The following CYP4X1 variants were observed in gnomAD, a reference collection of about 807,000 sequenced individuals.
The protein encoded by CYP4X1 is cytochrome P450 family 4 subfamily X member 1.
A neutral mutation model predicts 57.9 loss-of-function variants in CYP4X1; 44 were observed. The ratio of observed to expected loss-of-function variants is 0.76; its 90% confidence interval spans 0.60 to 0.98. The LOEUF is 0.98. CYP4X1 is among the 50% of genes least tolerant of loss of function. CYP4X1 has a pLI of 0.00. For missense variants in CYP4X1, 532 were observed against 623.9 expected (o/e 0.85, Z 1.57); for synonymous variants, 227 against 228.6 (o/e 0.99, Z 0.06).
the CYP4X1 span, among the ~76,000 whole-genome samples, chr1:46,980,609 C>T: frequency 1.3e-5 from 2 of 152,136 alleles, no homozygotes; most frequent in Admixed American, 1.3e-4. Flanking sequence ...TGACTTTCTT[C>T]ACAGAATTAG....
chr1:46,977,065 CT>C, the CYP4X1 span, among the ~76,000 whole-genome samples: 1 of 152,184 alleles, frequency 6.6e-6, no homozygotes, highest in Non-Finnish European at 1.5e-5. Context: ...GGCACCTCTT[CT>C]CCTCCAAAGG....
chr1:47,040,227 G>T (rs1257980666), intron 8 of CYP4X1, among the ~76,000 whole-genome samples: 1 of 152,092 alleles, frequency 6.6e-6, no homozygotes, highest in Admixed American at 6.6e-5. Flanking sequence ...ACCTACCCTG[G>T]CATGGGAGCT....
intron 1 of CYP4X1, among the ~76,000 whole-genome samples, chr1:47,027,996 G>T (rs1462647645): frequency 1.3e-5 from 2 of 152,200 alleles, no homozygotes; most frequent in African/African-American, 2.4e-5. Context: ...GCATGGTACA[G>T]TTCCTGGTGC....
the CYP4X1 span, among the ~76,000 whole-genome samples, chr1:47,017,013 T>C: frequency 6.6e-6 from 1 of 152,222 alleles, no homozygotes; most frequent in African/African-American, 2.4e-5. Flanking sequence ...TCTATCCATA[T>C]TGTTGCAAAT....
chr1:47,025,413 T>C (rs1360473551), intron 1 of CYP4X1, among the ~76,000 whole-genome samples: 1 of 152,228 alleles, frequency 6.6e-6, no homozygotes, highest in African/African-American at 2.4e-5. Context: ...GGTATTCCTT[T>C]ACAGCAACAC....
chr1:47,033,159 C>T (rs1158372549), intron 3 of CYP4X1, 82 bp from the exon 4 acceptor site: 2 of 1,510,906 alleles, frequency 1.3e-6, no homozygotes, highest in Admixed American at 4.0e-5. Context: ...GTCATGGTTA[C>T]TCCACGCTGC....
At chr1:46,984,871 C>T in the CYP4X1 span, among the ~76,000 whole-genome samples, 1 of 152,168 alleles carries the variant, frequency 6.6e-6, no homozygotes, top group Admixed American at 6.5e-5. Flanking sequence ...GTTCACTCCC[C>T]TGGAAAGGGG....
At chr1:47,034,184 G>C (rs1335525217) in intron 4 of CYP4X1, among the ~76,000 whole-genome samples, 1 of 152,186 alleles carries the variant, frequency 6.6e-6, no homozygotes, top group Non-Finnish European at 1.5e-5. Context: ...GAGTGAGGGA[G>C]CATGAACAAA....
At chr1:46,984,220 C>T in the CYP4X1 span, among the ~76,000 whole-genome samples, 1 of 151,820 alleles carries the variant, frequency 6.6e-6, no homozygotes, top group Non-Finnish European at 1.5e-5. Context: ...TCACTGTTTC[C>T]CCAGTGGGGA....
the CYP4X1 span, among the ~76,000 whole-genome samples, chr1:46,964,487 G>A: frequency 6.6e-6 from 1 of 152,174 alleles, no homozygotes; most frequent in African/African-American, 2.4e-5. Context: ...AGGTCTGCTG[G>A]TGTTTGCTGG....
At chr1:46,969,044 A>G in the CYP4X1 span, among the ~76,000 whole-genome samples, 1 of 152,026 alleles carries the variant, frequency 6.6e-6, no homozygotes, top group Non-Finnish European at 1.5e-5. Flanking sequence ...TCCATTTTGG[A>G]GATGGGTTGG....
At chr1:46,980,507 G>A in the CYP4X1 span, among the ~76,000 whole-genome samples, 1 of 152,188 alleles carries the variant, frequency 6.6e-6, no homozygotes, top group African/African-American at 2.4e-5. Context: ...AGCATTCCAT[G>A]CTCATGGATA....
chr1:47,031,093 C>T (rs1289640455), intron 2 of CYP4X1, among the ~76,000 whole-genome samples: 1 of 152,188 alleles, frequency 6.6e-6, no homozygotes, highest in Non-Finnish European at 1.5e-5. Context: ...CTGCTCTGAT[C>T]GTTAATTTTC....
intron 9 of CYP4X1, among the ~76,000 whole-genome samples, chr1:47,047,211 C>T (rs918288167): frequency 1.1e-4 from 16 of 152,234 alleles, no homozygotes; most frequent in South Asian, 4.2e-4. Context: ...AGAACTTGTG[C>T]GGAGACCCTG....
At chr1:46,978,047 C>T in the CYP4X1 span, among the ~76,000 whole-genome samples, 8 of 152,038 alleles carry the variant, frequency 5.3e-5, no homozygotes, top group Admixed American at 5.2e-4. Flanking sequence ...ACCATCAATG[C>T]TAGGAAGAAA....
rs745875327 is a variant in CYP4X1, at chr1:47,033,327, G to A, written c.451G>A (p.Ala151Thr). Reference protein sequence around the residue: ...TPGFHFNILKAYIEVMAHSVK... With the variant: ...TPGFHFNILKTYIEVMAHSVK... ...TGGATTCCATTTTAACATCCTGAAA[G>A]CATACATTGAGGTGATGGCTCATTC... Residue 151 changes from alanine to threonine, a missense_variant, in exon 4 of 12, where the codon GCA becomes ACA. By Grantham distance (58) the Ala-to-Thr change is moderately conservative (BLOSUM62 0). Coordinates refer to ENST00000371901, the MANE Select transcript of CYP4X1 (RefSeq NM_178033.2). 2 of 1,613,692 alleles carry A rather than the reference G, an allele frequency of 1.2e-6. No homozygotes were observed. The highest frequency in any genetic ancestry group is 1.3e-5 in the African/African-American group (1 of 74,866).
chr1:46,999,501 T>C, the CYP4X1 span, among the ~76,000 whole-genome samples: 2 of 152,164 alleles, frequency 1.3e-5, no homozygotes, highest in Non-Finnish European at 2.9e-5. Flanking sequence ...ATCAACTTTG[T>C]TTATGGTTTC....
the CYP4X1 span, among the ~76,000 whole-genome samples, chr1:47,008,814 G>C: frequency 1.3e-5 from 2 of 152,020 alleles, no homozygotes; most frequent in Non-Finnish European, 2.9e-5. Context: ...AAAATCAAAA[G>C]ACACAAAGAA....
At position 47,023,780 on chromosome 1, in the gene CYP4X1, C is replaced by G; in HGVS notation, c.-38C>G. 6.3e-7 allele frequency: 1 copy of G among 1,595,692 alleles called. No individual in the cohort carries two copies. The highest frequency in any genetic ancestry group is 2.2e-5 in the East Asian group (1 of 44,512). ...GGGAGAAAGCCCACCCTCTCCCGCGCCCCAGGAAACCGCCGGCGTTCGGCG... is the reference window on the plus strand; with the variant it reads ...GGGAGAAAGCCCACCCTCTCCCGCGGCCCAGGAAACCGCCGGCGTTCGGCG... On this transcript the variant is annotated 5_prime_UTR_variant, in exon 1 of 12. Transcript: ENST00000371901.
Sources: gnomAD v4.1 joint callset for allele counts (sites outside exome capture counted in the v4.1 genomes callset) on GRCh38, gnomAD v4.1.1 for gene constraint, MANE v1.5 for transcripts, NCBI Gene and HGNC (gene_info 2026-07-23, HGNC 2026-07-21) for gene names.